Variants in EPB41L3 observed in about 807,000 individuals in gnomAD.
EPB41L3 encodes band 4.1-like protein 3.
EPB41L3 carries 57 observed loss-of-function variants against 127.1 expected under a neutral mutation model. The ratio of observed to expected loss-of-function variants is 0.45; its 90% CI spans 0.36 to 0.56. The LOEUF is 0.56. Among genes scored for constraint, EPB41L3 ranks in the 20% least tolerant of loss-of-function variants. The probability of loss-of-function intolerance (pLI) is 0.00; values close to 1 mark genes in which losing one functional copy is unlikely to be tolerated. For synonymous variants in EPB41L3, 572 were observed against 549.5 expected, an observed-to-expected ratio of 1.04 and a Z score of -0.57; for missense variants, 1,273 against 1,372.2, an observed-to-expected ratio of 0.93 and a Z score of 1.14.
chr18:5,629,415 C>CCACACACCA (rs1555828631), upstream of EPB41L3, among the ~76,000 whole-genome samples: 2 of 143,756 alleles, frequency 1.4e-5, no homozygotes, highest in Non-Finnish European at 3.1e-5. Flanking sequence ...TCCTTACACA[C>CCACACACCA]CACACACACA....
intron 1 of EPB41L3, among the ~76,000 whole-genome samples, chr18:5,503,780 G>A (rs1482863821): frequency 6.6e-6 from 1 of 152,152 alleles, no homozygotes; most frequent in African/African-American, 2.4e-5. Context: ...TTTCATAGAT[G>A]GATATGCCAT....
rs1291547093 is a variant in EPB41L3 at position 5,423,422 on chromosome 18, C to T, written c.1295G>A (p.Arg432His). 4 of 1,612,812 alleles carry T rather than the reference C, an allele frequency of 2.5e-6. No homozygotes were observed. Among genetic ancestry groups the T allele is most frequent in the South Asian group, 1.1e-5 (1 of 90,982 alleles). The stretch of plus-strand genomic sequence containing the variant: ...CATGGTATAACGTTTGCTGGATGAG[C>T]GTTCAAAGTAAGGTGCTGGGCGATC... ...LIDRPAPYFE[R>H]SSSKRYTMSR... The change falls in exon 11 of 23, where the codon CGC becomes CAC. Residue 432 changes from arginine (R) to histidine (H), a missense_variant. Arg to His is a conservative substitution (Grantham distance 29). Transcript: ENST00000341928.
chr18:5,512,694 T>C (rs570295907), intron 1 of EPB41L3, among the ~76,000 whole-genome samples: 2 of 152,218 alleles, frequency 1.3e-5, no homozygotes, highest in South Asian at 2.1e-4. Context: ...TGAATAATTA[T>C]AATATCCTAG....
At chr18:5,602,851 G>A (rs1003090728) in intron 3 of EPB41L3, among the ~76,000 whole-genome samples, 1 of 152,182 alleles carries the variant, frequency 6.6e-6, no homozygotes, top group Non-Finnish European at 1.5e-5. Flanking sequence ...CAGGAAAATG[G>A]TTGATAAGGA....
rs139124528 is a variant in EPB41L3, at chr18:5,415,904, C to T, written c.1981G>A (p.Ala661Thr). 6.2e-6 allele frequency: 10 copies of T among 1,613,748 alleles called. No individual in the cohort carries two copies. The highest frequency in any genetic ancestry group is 8.5e-6 in the Non-Finnish European group (10 of 1,179,956). ...PYALTLSFPL[A>T]LCLCYLEPKA... Reference sequence around the variant, plus strand: ...GGCTCCAGGTAGCAGAGGCACAGAGCCAGAGGGAAGGAGAGAGTGAGAGCG... The same window carrying T: ...GGCTCCAGGTAGCAGAGGCACAGAGTCAGAGGGAAGGAGAGAGTGAGAGCG... The change falls in exon 13 of 23, where the codon GCT becomes ACT. Residue 661 changes from alanine (A) to threonine (T), a missense_variant. Ala to Thr is a moderately conservative substitution (Grantham distance 58). This residue lies in a region of EPB41L3 where 765 missense variants were observed against 782.9 expected (regional missense o/e 0.98). Transcript: ENST00000341928.
At chr18:5,472,017 G>T (rs1031533989) in intron 3 of EPB41L3, among the ~76,000 whole-genome samples, 1 of 151,866 alleles carries the variant, frequency 6.6e-6, no homozygotes, top group Non-Finnish European at 1.5e-5. Flanking sequence ...GATGAAATAG[G>T]ACTCCTACTG....
intron 1 of EPB41L3, among the ~76,000 whole-genome samples, chr18:5,508,668 G>A (rs2092351208): frequency 6.6e-6 from 1 of 150,420 alleles, no homozygotes; most frequent in East Asian, 2.0e-4. Context: ...TCAGGAGGCT[G>A]AGGCAGGAGA....
At chr18:5,580,501 C>G (rs2143174699) in intron 3 of EPB41L3, among the ~76,000 whole-genome samples, 1 of 152,166 alleles carries the variant, frequency 6.6e-6, no homozygotes, top group Middle Eastern at 3.4e-3. Context: ...TATAGGCACA[C>G]ATGTATATAT....
chr18:5,432,752 T>A (rs139699192), intron 8 of EPB41L3, among the ~76,000 whole-genome samples: 2 of 152,302 alleles, frequency 1.3e-5, no homozygotes, highest in African/African-American at 4.8e-5. Flanking sequence ...CCAAATTCTT[T>A]GTACCCAAGA....
At chr18:5,616,392 G>A (rs1365364927) in intron 1 of EPB41L3, among the ~76,000 whole-genome samples, 1 of 152,010 alleles carries the variant, frequency 6.6e-6, no homozygotes, top group East Asian at 1.9e-4. Flanking sequence ...CCCCAGAACT[G>A]GAGCGATCAC....
chr18:5,609,123 G>A (rs1392134013), intron 3 of EPB41L3, among the ~76,000 whole-genome samples: 1 of 152,214 alleles, frequency 6.6e-6, no homozygotes, highest in African/African-American at 2.4e-5. Context: ...CACCAGCTAA[G>A]ACAGTGACAT....
intron 3 of EPB41L3, among the ~76,000 whole-genome samples, chr18:5,559,570 G>C (rs2094093454): frequency 6.6e-6 from 1 of 152,104 alleles, no homozygotes; most frequent in Admixed American, 6.6e-5. Context: ...AATCACCTTG[G>C]ACACCAAGAA....
upstream of EPB41L3, among the ~76,000 whole-genome samples, chr18:5,630,011 T>TG (rs1409897169): frequency 6.6e-6 from 1 of 152,162 alleles, no homozygotes; most frequent in Non-Finnish European, 1.5e-5. Context: ...CGAAGACTGG[T>TG]GCGCTCGCCG....
chr18:5,522,025 C>T (rs952880985), intron 1 of EPB41L3, among the ~76,000 whole-genome samples: 11 of 152,224 alleles, frequency 7.2e-5, no homozygotes, highest in African/African-American at 1.9e-4. Context: ...CACCTCAAAA[C>T]GATGTTTACA....
In EPB41L3 at chr18:5,458,351, G is replaced by A. The variant is rs930767419; in HGVS notation, c.382-13107C>T. On this transcript the variant is annotated intron_variant, in intron 3 of 22. Transcript: ENST00000341928. The stretch of plus-strand genomic sequence containing the variant: ...CCCAAGGAGTAAGTGGTCTTAAACT[G>A]TGGTTTTACTCTATTACTTTGATTT... 3.9e-5 allele frequency among the ~76,000 whole-genome samples: 6 copies of A among 152,172 alleles called. No individual in the cohort carries two copies. In the South Asian group the frequency reaches 1.0e-3, roughly 26 times the overall value.
upstream of EPB41L3, among the ~76,000 whole-genome samples, chr18:5,545,732 C>T (rs1378838993): frequency 6.6e-6 from 1 of 152,096 alleles, no homozygotes; most frequent in Non-Finnish European, 1.5e-5. Context: ...TAATGAGGGC[C>T]TGAATTGTCT....
intron 1 of EPB41L3, among the ~76,000 whole-genome samples, chr18:5,620,775 G>A (rs1169053245): frequency 6.6e-6 from 1 of 152,024 alleles, no homozygotes; most frequent in Non-Finnish European, 1.5e-5. Flanking sequence ...AGTCTTTTGG[G>A]AAAGAACCCA....
intron 1 of EPB41L3, among the ~76,000 whole-genome samples, chr18:5,501,967 C>A (rs78980354): frequency 0.016 from 2,442 of 152,266 alleles, 73 homozygotes; most frequent in African/African-American, 0.056. Context: ...AAGGGCTCCC[C>A]ATTTATGCCT....
intron 8 of EPB41L3, among the ~76,000 whole-genome samples, chr18:5,431,045 T>C (rs1393209968): frequency 2.6e-5 from 4 of 152,206 alleles, no homozygotes; most frequent in Non-Finnish European, 4.4e-5. Context: ...AACTTTGCCA[T>C]CCTGCTCTGT....
Sources: gnomAD v4.1 joint callset for allele counts (sites outside exome capture counted in the v4.1 genomes callset) on GRCh38, gnomAD v4.1.1 for gene constraint, gnomAD v4.1.1 regional missense constraint, MANE v1.5 for transcripts, NCBI Gene and HGNC (gene_info 2026-07-23, HGNC 2026-07-21) for gene names.